The following KCTD16 variants were observed in gnomAD, a reference collection of about 807,000 sequenced individuals.
The protein encoded by KCTD16 is BTB/POZ domain-containing protein KCTD16.
In KCTD16, 13 loss-of-function variants were observed where a neutral mutation model predicts 33.2. The ratio of observed to expected loss-of-function variants is 0.39; its 90% CI spans 0.25 to 0.62. The LOEUF is 0.62. Ranked by LOEUF, KCTD16 falls within the 20% of genes least tolerant of loss-of-function variation. The probability of loss-of-function intolerance (pLI) is 0.50; values close to 1 mark genes in which losing one functional copy is unlikely to be tolerated. For missense variants in KCTD16, 441 were observed against 525.1 expected (o/e 0.84, Z 1.57); for synonymous variants, 197 against 195.3 (o/e 1.01, Z -0.07).
At chr5:144,445,069 T>G (rs1052040074) in intron 3 of KCTD16, among the ~76,000 whole-genome samples, 1 of 151,610 alleles carries the variant, frequency 6.6e-6, no homozygotes, top group African/African-American at 2.4e-5. Context: ...CCTCATTTTT[T>G]CTTTAGGGAC....
chr5:144,250,598 A>G (rs1754671262), intron 3 of KCTD16, among the ~76,000 whole-genome samples: 1 of 152,224 alleles, frequency 6.6e-6, no homozygotes, highest in Non-Finnish European at 1.5e-5. Context: ...CTCTCAAATA[A>G]CTATAGTGCA....
intron 3 of KCTD16, among the ~76,000 whole-genome samples, chr5:144,212,798 C>T (rs543750206): frequency 3.9e-5 from 6 of 152,142 alleles, no homozygotes; most frequent in East Asian, 1.9e-4. Context: ...TTTTTTATTA[C>T]AGAAATTTTG....
chr5:144,203,093 TC>T (rs1389243735), intron 2 of KCTD16, among the ~76,000 whole-genome samples: 1 of 152,062 alleles, frequency 6.6e-6, no homozygotes, highest in Non-Finnish European at 1.5e-5. Context: ...CAGTCCATTT[TC>T]CAAAAAAGGT....
intron 3 of KCTD16, among the ~76,000 whole-genome samples, chr5:144,413,828 A>G (rs140201865): frequency 1.5e-4 from 23 of 152,320 alleles, no homozygotes; most frequent in Non-Finnish European, 2.2e-4. Context: ...GTGGTCTTCA[A>G]TAGTTTGTTG....
At chr5:144,211,580 T>G (rs1753394776) in intron 3 of KCTD16, among the ~76,000 whole-genome samples, 1 of 152,206 alleles carries the variant, frequency 6.6e-6, no homozygotes, top group Non-Finnish European at 1.5e-5. Context: ...GAATTGCATG[T>G]TCAAACTTGA....
chr5:144,276,625 C>G (rs1350882343), intron 3 of KCTD16, among the ~76,000 whole-genome samples: 1 of 152,128 alleles, frequency 6.6e-6, no homozygotes. Flanking sequence ...TCTATCTCGC[C>G]GGGCACGATG....
intron 3 of KCTD16, among the ~76,000 whole-genome samples, chr5:144,261,783 G>A (rs1327845775): frequency 6.6e-6 from 1 of 152,160 alleles, no homozygotes; most frequent in Non-Finnish European, 1.5e-5. Flanking sequence ...TCACCAGTTG[G>A]CCTTCTCCCA....
intron 3 of KCTD16, among the ~76,000 whole-genome samples, chr5:144,296,254 G>A (rs1256025481): frequency 1.3e-5 from 2 of 152,238 alleles, no homozygotes; most frequent in African/African-American, 2.4e-5. Context: ...TGGGGAGCCA[G>A]CAATAGCATC....
intron 3 of KCTD16, among the ~76,000 whole-genome samples, chr5:144,375,090 C>T (rs370834381): frequency 5.3e-5 from 8 of 152,162 alleles, no homozygotes; most frequent in East Asian, 1.9e-4. Flanking sequence ...TACAGGTGAA[C>T]GAGCCATGGT....
intron 2 of KCTD16, among the ~76,000 whole-genome samples, chr5:144,189,992 G>A (rs143228148): frequency 1.3e-5 from 2 of 152,260 alleles, no homozygotes; most frequent in African/African-American, 2.4e-5. Context: ...GTTTTGGAGG[G>A]AACTGCAGAT....
At chr5:144,299,076 T>TTGTATATATATATCACTA (rs1756135051) in intron 3 of KCTD16, among the ~76,000 whole-genome samples, 9 of 58,698 alleles carry the variant, frequency 1.5e-4, no homozygotes, top group African/African-American at 7.8e-4. Context: ...ATATATATTT[T>TTGTATATATATATCACTA]TGTATATATA....
intron 3 of KCTD16, among the ~76,000 whole-genome samples, chr5:144,447,967 A>G (rs1485001895): frequency 6.6e-6 from 1 of 151,862 alleles, no homozygotes; most frequent in Non-Finnish European, 1.5e-5. Context: ...TATTTTTGAC[A>G]CTCTCCATGT....
chr5:144,417,664 T>C (rs7446728), intron 3 of KCTD16, among the ~76,000 whole-genome samples: 8,122 of 152,216 alleles, frequency 0.053, 745 homozygotes, highest in African/African-American at 0.18. Flanking sequence ...TGATGTCATA[T>C]CCATTACCAA....
intron 3 of KCTD16, among the ~76,000 whole-genome samples, chr5:144,421,426 G>A (rs1753206358): frequency 6.6e-6 from 1 of 152,112 alleles, no homozygotes; most frequent in Non-Finnish European, 1.5e-5. Flanking sequence ...GATTTATAAA[G>A]GAGACTGCGG....
At chr5:144,249,466 T>C (rs1311971877) in intron 3 of KCTD16, among the ~76,000 whole-genome samples, 2 of 152,234 alleles carry the variant, frequency 1.3e-5, no homozygotes, top group Non-Finnish European at 2.9e-5. Flanking sequence ...TGTTTGCCAC[T>C]GTTTACCTAA....
intron 3 of KCTD16, among the ~76,000 whole-genome samples, chr5:144,345,777 C>T (rs904947842): frequency 6.6e-6 from 1 of 152,088 alleles, no homozygotes; most frequent in African/African-American, 2.4e-5. Flanking sequence ...TTGATACAGG[C>T]ATGCAATGTG....
chr5:144,418,653 A>G (rs919770250), intron 3 of KCTD16, among the ~76,000 whole-genome samples: 3 of 152,114 alleles, frequency 2.0e-5, no homozygotes, highest in Non-Finnish European at 4.4e-5. Flanking sequence ...TTTATTTTTG[A>G]CATTACTTGC....
intron 3 of KCTD16, among the ~76,000 whole-genome samples, chr5:144,399,487 CT>C (rs913732861): frequency 5.3e-5 from 8 of 151,764 alleles, no homozygotes; most frequent in African/African-American, 1.2e-4. Context: ...TTGTGTTTTA[CT>C]TTTTTTTGGC....
chr5:144,312,675 A>G (rs1372581069), intron 3 of KCTD16, among the ~76,000 whole-genome samples: 2 of 152,232 alleles, frequency 1.3e-5, no homozygotes, highest in Admixed American at 1.3e-4. Context: ...TCTTCTTCAA[A>G]TGAGAAGGTG....
Sources: gnomAD v4.1 joint callset for allele counts (sites outside exome capture counted in the v4.1 genomes callset) on GRCh38, gnomAD v4.1.1 for gene constraint, MANE v1.5 for transcripts, NCBI Gene and HGNC (gene_info 2026-07-23, HGNC 2026-07-21) for gene names.